The following GPC6 variants were observed in gnomAD, a reference collection of about 807,000 sequenced individuals.
GPC6 encodes the protein glypican-6.
GPC6 carries 14 observed loss-of-function variants against 55.2 expected under a neutral mutation model. The ratio of observed to expected loss-of-function variants is 0.25; its 90% CI spans 0.17 to 0.40. The LOEUF (loss-of-function observed/expected upper bound fraction) is 0.40. Ranked by LOEUF, GPC6 falls within the 10% of genes least tolerant of loss-of-function variation. The probability of loss-of-function intolerance (pLI) is 1.00; values close to 1 mark genes in which losing one functional copy is unlikely to be tolerated. For synonymous variants in GPC6, 278 were observed against 259.6 expected, an observed-to-expected ratio of 1.07 and a Z score of -0.68; for missense variants, 641 against 708.5, an observed-to-expected ratio of 0.90 and a Z score of 1.08.
At chr13:93,979,314 TGTG>T (rs1566631964) in intron 3 of GPC6, among the ~76,000 whole-genome samples, 2,345 of 148,862 alleles carry the variant, frequency 0.016, 73 homozygotes, top group African/African-American at 0.056. Context: ...TGTGTGTGTG[TGTG>T]TTTGTGTGTG....
At chr13:93,691,081 A>G (rs1199542384) in intron 2 of GPC6, among the ~76,000 whole-genome samples, 1 of 152,050 alleles carries the variant, frequency 6.6e-6, no homozygotes, top group Non-Finnish European at 1.5e-5. Flanking sequence ...TCCCATTATC[A>G]TTTATCTTTC....
At chr13:93,979,346 T>G (rs1880681066) in intron 3 of GPC6, among the ~76,000 whole-genome samples, 1 of 147,620 alleles carries the variant, frequency 6.8e-6, no homozygotes, top group African/African-American at 2.6e-5. Context: ...TGTGTGTGTG[T>G]TTTTTTTAAT....
intron 2 of GPC6, among the ~76,000 whole-genome samples, chr13:93,731,271 A>G (rs996565938): frequency 8.5e-5 from 13 of 152,126 alleles, no homozygotes; most frequent in Non-Finnish European, 1.8e-4. Context: ...TTCCAACAGG[A>G]ATATGGTAGC....
At chr13:93,710,544 C>G (rs1331624169) in intron 2 of GPC6, among the ~76,000 whole-genome samples, 1 of 151,768 alleles carries the variant, frequency 6.6e-6, no homozygotes, top group African/African-American at 2.4e-5. Context: ...GAAACAGAGC[C>G]AGCTTCCTCA....
At chr13:94,270,808 C>T (rs1357274202) in intron 4 of GPC6, among the ~76,000 whole-genome samples, 1 of 152,004 alleles carries the variant, frequency 6.6e-6, no homozygotes, top group Admixed American at 6.6e-5. Context: ...GCTACTTTTC[C>T]ATGGGAAGTT....
intron 2 of GPC6, among the ~76,000 whole-genome samples, chr13:93,604,960 C>A (rs1878177580): frequency 6.6e-6 from 1 of 152,178 alleles, no homozygotes; most frequent in African/African-American, 2.4e-5. Flanking sequence ...ATTTTGAACT[C>A]AAGCTGCTTG....
chr13:93,469,457 A>G (rs1055002411), intron 1 of GPC6, among the ~76,000 whole-genome samples: 4 of 152,170 alleles, frequency 2.6e-5, no homozygotes, highest in Admixed American at 6.5e-5. Context: ...GGTTCTATTA[A>G]CAATGTATCA....
intron 3 of GPC6, among the ~76,000 whole-genome samples, chr13:93,892,465 G>A (rs993354073): frequency 6.6e-6 from 1 of 152,128 alleles, no homozygotes; most frequent in African/African-American, 2.4e-5. Context: ...TCTGAAATGG[G>A]ACACTGCCCA....
At chr13:93,860,271 T>C (rs562850449) in intron 3 of GPC6, among the ~76,000 whole-genome samples, 3 of 151,618 alleles carry the variant, frequency 2.0e-5, no homozygotes, top group Non-Finnish European at 4.4e-5. Context: ...ATACTTCTCA[T>C]AGACCCTTAA....
chr13:94,317,446 CAT>C (rs1876598240), intron 6 of GPC6, among the ~76,000 whole-genome samples: 1 of 152,166 alleles, frequency 6.6e-6, no homozygotes. Context: ...GAGAAGAAAA[CAT>C]AGAGGCAGCA....
upstream of GPC6, among the ~76,000 whole-genome samples, chr13:93,223,597 T>A (rs939619672): frequency 4.0e-5 from 6 of 151,482 alleles, no homozygotes; most frequent in Admixed American, 6.6e-5. Context: ...GCACATACCA[T>A]CACACCAGCG....
chr13:93,540,633 T>C (rs907562027), intron 1 of GPC6, among the ~76,000 whole-genome samples: 2 of 152,168 alleles, frequency 1.3e-5, no homozygotes, highest in African/African-American at 4.8e-5. Flanking sequence ...AGTGATCAGA[T>C]AGGGGGATTA....
intron 4 of GPC6, among the ~76,000 whole-genome samples, chr13:94,267,428 T>C (rs985775017): frequency 2.6e-5 from 4 of 152,086 alleles, no homozygotes; most frequent in Non-Finnish European, 5.9e-5. Flanking sequence ...AACAAATATA[T>C]GTGAAGGAAA....
intron 3 of GPC6, among the ~76,000 whole-genome samples, chr13:93,901,966 A>C (rs1201325371): frequency 2.0e-5 from 3 of 152,000 alleles, no homozygotes; most frequent in Non-Finnish European, 4.4e-5. Flanking sequence ...ATATGTATGA[A>C]GTACAGTGTG....
intron 1 of GPC6, among the ~76,000 whole-genome samples, chr13:93,270,653 T>C (rs1877486363): frequency 1.3e-5 from 2 of 151,032 alleles, no homozygotes; most frequent in South Asian, 2.1e-4. Flanking sequence ...CAGGCTCCCA[T>C]ACATTTTATA....
At chr13:94,176,981 A>G (rs1435612096) in intron 4 of GPC6, among the ~76,000 whole-genome samples, 1 of 152,204 alleles carries the variant, frequency 6.6e-6, no homozygotes, top group Non-Finnish European at 1.5e-5. Flanking sequence ...CCAATGACAA[A>G]TGCTTTAAAA....
At chr13:94,199,999 A>G (rs776650015) in intron 4 of GPC6, among the ~76,000 whole-genome samples, 2 of 152,078 alleles carry the variant, frequency 1.3e-5, no homozygotes, top group African/African-American at 4.8e-5. Flanking sequence ...TTTACTGAAC[A>G]TACAAATTTA....
At chr13:93,273,428 G>A (rs1877613739) in intron 1 of GPC6, among the ~76,000 whole-genome samples, 1 of 152,172 alleles carries the variant, frequency 6.6e-6, no homozygotes, top group Non-Finnish European at 1.5e-5. Flanking sequence ...GGAGGCCGAG[G>A]TGGGCGGATC....
intron 2 of GPC6, among the ~76,000 whole-genome samples, chr13:93,577,262 C>T (rs1876710878): frequency 6.6e-6 from 1 of 152,120 alleles, no homozygotes; most frequent in South Asian, 2.1e-4. Flanking sequence ...TCTCTAAAAT[C>T]ATCTGACACA....
Sources: allele counts gnomAD v4.1 joint callset (sites outside exome capture counted in the v4.1 genomes callset), GRCh38; gene constraint gnomAD v4.1.1; transcripts MANE v1.5; gene names NCBI Gene and HGNC (gene_info 2026-07-23, HGNC 2026-07-21).